MTMR2: variants seen among roughly 807,000 people sequenced by gnomAD.
MTMR2 encodes the protein phosphatidylinositol-3,5-bisphosphate 3-phosphatase MTMR2.
A neutral mutation model predicts 86.9 loss-of-function variants in MTMR2; 55 were observed. That is an observed-to-expected ratio of 0.63 (90% CI 0.51 to 0.79). MTMR2 has a LOEUF of 0.79. Ranked by LOEUF, MTMR2 falls within the 30% of genes least tolerant of loss-of-function variation. The pLI, the probability that MTMR2 is intolerant of heterozygous loss-of-function variation, is 0.00. For synonymous variants in MTMR2, 241 were observed against 266.8 expected, an observed-to-expected ratio of 0.90 and a Z score of 0.94; for missense variants, 659 against 772.3, an observed-to-expected ratio of 0.85 and a Z score of 1.74.
intron 1 of MTMR2, among the ~76,000 whole-genome samples, chr11:95,893,298 C>A (rs1865773335): frequency 6.6e-6 from 1 of 152,148 alleles, no homozygotes. Context: ...GACTTTATCA[C>A]TTCTGGGAAT....
rs533850641 is a variant in MTMR2, at chr11:95,879,062, G to T, written c.186+9094C>A. On this transcript the variant is annotated intron_variant, in intron 2 of 14. Coordinates refer to ENST00000346299, the MANE Select transcript of MTMR2 (RefSeq NM_016156.6). ...ATATCTCCCAACAGTGGCTGGAATT[G>T]AACAGATGTCTGATTACACTAAGAC... Among the ~76,000 whole-genome samples the T allele has an allele frequency of 1.4e-4, 22 of 152,180 alleles. No individual in the cohort carries two copies. In the South Asian group the frequency reaches 2.1e-3, roughly 14 times the overall value.
rs1317494330 is a variant in MTMR2, at chr11:95,834,491, C to CACAAG, written c.*794_*798dup. 1 of 151,998 alleles carries CACAAG rather than the reference C, an allele frequency of 6.6e-6. No individual in the cohort carries two copies. Among genetic ancestry groups the CACAAG allele is most frequent in the South Asian group, 2.1e-4 (1 of 4,820 alleles). The allele number at this position is 151,998 out of a possible 1,614,324, so 9.4% of individuals were successfully genotyped here. A position where few individuals can be genotyped will look rare whatever the true frequency, so the allele number is the denominator to read the frequency against. The stretch of plus-strand genomic sequence containing the variant: ...TAATTAGCTTCTGTGTGTTCAGACA[C>CACAAG]ACAAGACAAGTGAAATACACTGTAG... On this transcript the variant is annotated 3_prime_UTR_variant, in exon 15 of 15. Coordinates refer to ENST00000346299, the MANE Select transcript of MTMR2 (RefSeq NM_016156.6).
chr11:95,841,533 T>A (rs1285473668), intron 12 of MTMR2, 84 bp downstream of exon 12: 1 of 937,058 alleles, frequency 1.1e-6, no homozygotes, highest in African/African-American at 1.6e-5. Flanking sequence ...TAATGATCTA[T>A]AGGCTAATCA....
Position 95,845,141 on chromosome 11 carries a change from G to C in MTMR2, c.1198C>G (p.Leu400Val), listed in dbSNP as rs762894011. ...EHIKLILAGA[L>V]RIADKVESGK... ...GACTCTACCTTGTCAGCAATCCTAAGAGCCCCTGCAAGAATAAGCTGGAAA... is the reference window on the plus strand; with the variant it reads ...GACTCTACCTTGTCAGCAATCCTAACAGCCCCTGCAAGAATAAGCTGGAAA... The change falls in exon 11 of 15, where the codon CTT becomes GTT. Residue 400 changes from leucine to valine, a missense_variant. Coordinates refer to ENST00000346299, the MANE Select transcript of MTMR2 (RefSeq NM_016156.6). 6.2e-7 allele frequency: 1 copy of C among 1,613,774 alleles called. No individual in the cohort carries two copies. Among genetic ancestry groups the C allele is most frequent in the Non-Finnish European group, 8.5e-7 (1 of 1,179,802 alleles).
At chr11:95,893,395 C>G (rs754061806) in intron 1 of MTMR2, among the ~76,000 whole-genome samples, 3 of 152,020 alleles carry the variant, frequency 2.0e-5, no homozygotes, top group South Asian at 4.1e-4. Flanking sequence ...TCTTAACTTT[C>G]CCTTCATCTC....
At chr11:95,881,317 T>C (rs778598018) in intron 2 of MTMR2, among the ~76,000 whole-genome samples, 3 of 152,122 alleles carry the variant, frequency 2.0e-5, no homozygotes, top group Admixed American at 6.5e-5. Context: ...CCCCACTTTA[T>C]TTTTCCTCTG....
intron 5 of MTMR2, among the ~76,000 whole-genome samples, chr11:95,860,361 C>A (rs952744128): frequency 6.6e-6 from 1 of 152,062 alleles, no homozygotes; most frequent in African/African-American, 2.4e-5. Flanking sequence ...ATTAGCCAGG[C>A]ATGGTGGCAT....
chr11:95,896,986 G>T (rs1187307983), intron 1 of MTMR2, among the ~76,000 whole-genome samples: 5 of 151,372 alleles, frequency 3.3e-5, no homozygotes. Context: ...GTTGGGAATT[G>T]AGAAACCAGG....
At chr11:95,887,360 C>T (rs932142760) in intron 2 of MTMR2, among the ~76,000 whole-genome samples, 10 of 151,954 alleles carry the variant, frequency 6.6e-5, no homozygotes, top group African/African-American at 2.4e-4. Flanking sequence ...GCACCTTGAT[C>T]TTGGACTTCC....
At chr11:95,877,832 G>C (rs572434140) in intron 2 of MTMR2, among the ~76,000 whole-genome samples, 123 of 152,006 alleles carry the variant, frequency 8.1e-4, no homozygotes, top group African/African-American at 2.8e-3. Flanking sequence ...AAGCTCTCTT[G>C]GTTGGCAGGT....
chr11:95,849,983 T>C (rs1409806329), intron 8 of MTMR2, 121 bp from the exon 9 acceptor site: 2 of 914,602 alleles, frequency 2.2e-6, no homozygotes, highest in East Asian at 2.6e-5. Flanking sequence ...TGAAAGGACA[T>C]CTGAGGCTGC....
chr11:95,849,359 G>A (rs1270678258), intron 9 of MTMR2, among the ~76,000 whole-genome samples: 1 of 152,058 alleles, frequency 6.6e-6, no homozygotes, highest in Non-Finnish European at 1.5e-5. Context: ...CTTTGGAGAA[G>A]TGGGAAGCTA....
rs755797793 is a variant in MTMR2 at position 95,847,750 on chromosome 11, A to G, written c.1143T>C (p.Ser381=). The G allele has an allele frequency of 6.2e-7, 1 of 1,613,614 alleles. No individual in the cohort carries two copies. Among genetic ancestry groups the G allele is most frequent in the Non-Finnish European group, 8.5e-7 (1 of 1,179,540 alleles). ...CTAGCCAATGAGTAGATTCCAAGTT[A>G]GACAACCAGTGGGTTTCCTCAATGT... ...YPNIEETHWL[S]NLESTHWLEH... is the part of the protein sequence containing the mutation. Residue 381 remains serine (S), a synonymous_variant, in exon 10 of 15, where the codon TCT becomes TCC. Transcript: ENST00000346299.
chr11:95,835,261 A>G lies in MTMR2; in HGVS notation c.*29T>C. The G allele has an allele frequency of 6.2e-7, 1 of 1,610,526 alleles. No homozygotes were observed. The highest frequency in any genetic ancestry group is 8.5e-7 in the Non-Finnish European group (1 of 1,177,316). On this transcript the variant is annotated 3_prime_UTR_variant, in exon 15 of 15. Coordinates refer to ENST00000346299, the MANE Select transcript of MTMR2 (RefSeq NM_016156.6). The stretch of plus-strand genomic sequence containing the variant: ...GCTGCCAGTGTAATCAAGAGTGTAT[A>G]GCAATGATGCCCCTGATCTTACAGT...
At chr11:95,919,436 A>G (rs548343855) in intron 1 of MTMR2, among the ~76,000 whole-genome samples, 123 of 152,324 alleles carry the variant, frequency 8.1e-4, no homozygotes, top group African/African-American at 2.8e-3. Flanking sequence ...ATGAAATTAT[A>G]TACTACAAAT....
At chr11:95,866,728 A>G (rs1410861807) in intron 2 of MTMR2, among the ~76,000 whole-genome samples, 1 of 148,608 alleles carries the variant, frequency 6.7e-6, no homozygotes, top group Non-Finnish European at 1.5e-5. Context: ...GTCATAAAAG[A>G]AGAGAAGAAG....
At chr11:95,869,299 T>A (rs951538641) in intron 2 of MTMR2, among the ~76,000 whole-genome samples, 1 of 151,718 alleles carries the variant, frequency 6.6e-6, no homozygotes, top group Non-Finnish European at 1.5e-5. Context: ...ATTTTCAACT[T>A]ACAATGGGTT....
At chr11:95,862,857 T>C (rs1204642332) in intron 3 of MTMR2, among the ~76,000 whole-genome samples, 2 of 152,210 alleles carry the variant, frequency 1.3e-5, no homozygotes. Context: ...TGATTAATAC[T>C]TATGGGGAAA....
intron 2 of MTMR2, among the ~76,000 whole-genome samples, chr11:95,873,649 GT>G: frequency 6.6e-6 from 1 of 151,328 alleles, no homozygotes; most frequent in South Asian, 2.1e-4. Context: ...GCTTTTGAAT[GT>G]TTGCTCTTGC....
Sources: gnomAD v4.1 joint callset for allele counts (sites outside exome capture counted in the v4.1 genomes callset) on GRCh38, gnomAD v4.1.1 for gene constraint, MANE v1.5 for transcripts, NCBI Gene and HGNC (gene_info 2026-07-23, HGNC 2026-07-21) for gene names.